Variants in GLIS3 observed in about 807,000 individuals in gnomAD.
GLIS3 encodes GLIS family zinc finger 3.
In GLIS3, 53 loss-of-function variants were observed where a neutral mutation model predicts 78.6. The observed-to-expected ratio is 0.67, with a 90% CI of 0.54 to 0.85. The LOEUF is 0.85. GLIS3 is among the 40% of genes least tolerant of loss of function. The pLI is 0.00. For missense variants in GLIS3, 1,703 were observed against 1,231.1 expected, an observed-to-expected ratio of 1.38 and a Z score of -5.74; for synonymous variants, 684 against 509.9, an observed-to-expected ratio of 1.34 and a Z score of -4.60.
the GLIS3 span, among the ~76,000 whole-genome samples, chr9:4,416,155 G>A: frequency 6.8e-6 from 1 of 146,418 alleles, no homozygotes; most frequent in African/African-American, 2.5e-5. Context: ...GGGAGATCAA[G>A]GCAAGAGGAT....
At chr9:4,484,844 A>T in the GLIS3 span, among the ~76,000 whole-genome samples, 1 of 152,202 alleles carries the variant, frequency 6.6e-6, no homozygotes. Context: ...ATGAAAAGAC[A>T]CAAGATTAGG....
chr9:4,111,613 T>C (rs557632250), intron 4 of GLIS3, among the ~76,000 whole-genome samples: 23 of 152,364 alleles, frequency 1.5e-4, no homozygotes, highest in African/African-American at 5.5e-4. Context: ...GGTTTCACTT[T>C]TACCTATACT....
intron 2 of GLIS3, among the ~76,000 whole-genome samples, chr9:4,126,944 G>C (rs1832623762): frequency 6.6e-6 from 1 of 152,126 alleles, no homozygotes. Flanking sequence ...AGGAAGAAAA[G>C]TGTCACTGTC....
At chr9:3,869,269 GTGTGTGT>G (rs1820820629) in intron 8 of GLIS3, among the ~76,000 whole-genome samples, 1 of 7,422 alleles carries the variant, frequency 1.3e-4, no homozygotes, top group East Asian at 0.019. Flanking sequence ...TATCTAGGGT[GTGTGTGT>G]GTGTGTGTGT....
the GLIS3 span, among the ~76,000 whole-genome samples, chr9:4,441,411 C>T: frequency 6.6e-6 from 1 of 152,182 alleles, no homozygotes; most frequent in East Asian, 1.9e-4. Flanking sequence ...GGTTTTTGTC[C>T]TTCATTTTGT....
At chr9:4,027,047 C>T (rs1171365908) in intron 4 of GLIS3, among the ~76,000 whole-genome samples, 1 of 152,156 alleles carries the variant, frequency 6.6e-6, no homozygotes, top group Non-Finnish European at 1.5e-5. Context: ...GGATCCTTTA[C>T]ATGTCAACCC....
At chr9:4,079,488 T>C (rs183459882) in intron 4 of GLIS3, among the ~76,000 whole-genome samples, 121 of 152,276 alleles carry the variant, frequency 7.9e-4, no homozygotes, top group Non-Finnish European at 1.6e-3. Flanking sequence ...ATCCCACTGA[T>C]AAGATTCTCA....
At chr9:4,123,922 G>T (rs1832377699) in intron 3 of GLIS3, 1 of 394,944 alleles carries the variant, frequency 2.5e-6, no homozygotes, top group South Asian at 1.3e-4. Context: ...CTCTCAAACT[G>T]GACAGTTCAT....
At position 3,849,351 on chromosome 9, in the gene GLIS3, G is replaced by C. The variant is rs192911857; in HGVS notation, c.2473+6658C>G. Among the ~76,000 whole-genome samples the C allele has an allele frequency of 3.9e-5, 6 of 152,284 alleles. No homozygotes were observed. In the East Asian group the frequency reaches 5.8e-4, roughly 15 times the overall value. On this transcript the variant is annotated intron_variant, in intron 9 of 10. Transcript: ENST00000381971. The stretch of plus-strand genomic sequence containing the variant: ...AAACTGTGAACGGAATCTCCGTTTT[G>C]TTAAGTATGGCAATGCGCTAAAATA...
Position 3,932,346 on chromosome 9 carries a change from T to A in GLIS3, c.1983+14A>T, listed in dbSNP as rs1215724595. The A allele has an allele frequency of 6.3e-7, 1 of 1,586,190 alleles. No individual in the cohort carries two copies. Among genetic ancestry groups the A allele is most frequent in the South Asian group, 1.1e-5 (1 of 90,526 alleles). ...CATGCTTTTCCCGACTGGAAGATTC[T>A]CTTTTAAAATTACCTTTTTCCTTGC... On this transcript the variant is annotated intron_variant, in intron 6 of 10. Transcript: ENST00000381971.
At chr9:3,850,172 A>T (rs1404959416) in intron 9 of GLIS3, among the ~76,000 whole-genome samples, 3 of 152,348 alleles carry the variant, frequency 2.0e-5, no homozygotes, top group Admixed American at 6.5e-5. Context: ...GGTGGTTATT[A>T]AAAATCACAC....
chr9:4,006,504 C>T (rs1237865958), intron 4 of GLIS3, among the ~76,000 whole-genome samples: 1 of 152,040 alleles, frequency 6.6e-6, no homozygotes, highest in Admixed American at 6.6e-5. Context: ...ACTTGAGGAC[C>T]TAGGATGGTT....
At chr9:4,256,335 TTTAATA>T (rs1322369658) in intron 2 of GLIS3, among the ~76,000 whole-genome samples, 4 of 152,170 alleles carry the variant, frequency 2.6e-5, no homozygotes, top group Non-Finnish European at 5.9e-5. Flanking sequence ...AGGTTAATGT[TTTAATA>T]TTAAGTATGA....
the GLIS3 span, among the ~76,000 whole-genome samples, chr9:4,363,380 A>G: frequency 0.011 from 1,735 of 152,290 alleles, 34 homozygotes; most frequent in African/African-American, 0.04. Flanking sequence ...CTGAGATGGC[A>G]CCACTGCACT....
chr9:4,245,343 T>A (rs1823706129), intron 2 of GLIS3, among the ~76,000 whole-genome samples: 1 of 152,224 alleles, frequency 6.6e-6, no homozygotes, highest in Non-Finnish European at 1.5e-5. Context: ...AAAGTCACAG[T>A]TGCCTAGGAA....
chr9:4,428,401 C>A, the GLIS3 span, among the ~76,000 whole-genome samples: 2 of 149,012 alleles, frequency 1.3e-5, no homozygotes, highest in African/African-American at 4.9e-5. Flanking sequence ...ATTGCTTGAA[C>A]CTGGGAGGCA....
chr9:3,933,260 C>G (rs1825722715), intron 5 of GLIS3, among the ~76,000 whole-genome samples: 1 of 152,082 alleles, frequency 6.6e-6, no homozygotes, highest in African/African-American at 2.4e-5. Context: ...ACTGCAACCT[C>G]TGCCTCCTGG....
chr9:4,241,821 T>G (rs1823346988), intron 2 of GLIS3, among the ~76,000 whole-genome samples: 1 of 152,130 alleles, frequency 6.6e-6, no homozygotes, highest in South Asian at 2.1e-4. Context: ...TAGGTGTGAT[T>G]ACAGGCACGT....
chr9:4,334,640 G>C (rs147960828), intron 2 of GLIS3, among the ~76,000 whole-genome samples: 11 of 152,258 alleles, frequency 7.2e-5, no homozygotes, highest in East Asian at 1.9e-4. Context: ...GTGAGCACTG[G>C]GCCTGTTCAG....
Sources: allele counts gnomAD v4.1 joint callset (sites outside exome capture counted in the v4.1 genomes callset), GRCh38; gene constraint gnomAD v4.1.1; transcripts MANE v1.5; gene names NCBI Gene and HGNC (gene_info 2026-07-23, HGNC 2026-07-21).